ZNF521: variants seen among roughly 807,000 people sequenced by gnomAD.
The protein encoded by ZNF521 is LYST-interacting protein 3.
A neutral mutation model predicts 105.5 loss-of-function variants in ZNF521; 14 were observed. That is an observed-to-expected ratio of 0.13 (90% CI 0.09 to 0.21). The LOEUF is 0.21. Ranked by LOEUF, ZNF521 falls within the 10% of genes least tolerant of loss-of-function variation. The pLI is 1.00. For synonymous variants in ZNF521, 635 were observed against 606.0 expected (o/e 1.05, Z -0.70); for missense variants, 1,233 against 1,629.7 (o/e 0.76, Z 4.19).
At chr18:25,317,515 T>C (rs1912705535) in intron 3 of ZNF521, among the ~76,000 whole-genome samples, 1 of 152,158 alleles carries the variant, frequency 6.6e-6, no homozygotes, top group Non-Finnish European at 1.5e-5. Flanking sequence ...GAGGACCCAC[T>C]CTTACCAAAG....
At chr18:25,172,159 G>A (rs931442427) in intron 5 of ZNF521, among the ~76,000 whole-genome samples, 8 of 152,132 alleles carry the variant, frequency 5.3e-5, no homozygotes, top group African/African-American at 1.9e-4. Context: ...AACATTTGAA[G>A]ATTGAGAGGA....
chr18:25,311,126 A>T (rs903827322), intron 3 of ZNF521, among the ~76,000 whole-genome samples: 1 of 152,168 alleles, frequency 6.6e-6, no homozygotes, highest in African/African-American at 2.4e-5. Flanking sequence ...AAAGGAACTA[A>T]GCCCTGAGGC....
chr18:25,224,619 C>T lies in ZNF521; in HGVS notation c.3299G>A (p.Ser1100Asn). ...GTTAATGCCTGGGCTGGCGCTCTTA[C>T]TGAGATTCACGCAGCCGGCACACAG... Reference protein sequence around the residue: ...YGLCAGCVNLSKSASPGINVP... With the variant: ...YGLCAGCVNLNKSASPGINVP... The change falls in exon 4 of 8, where the codon AGT (serine) becomes AAT (asparagine). Residue 1100 changes from serine (S) to asparagine (N), a missense_variant. Ser to Asn is a conservative substitution (Grantham distance 46). This residue lies in a region of ZNF521 where 614 missense variants were observed against 751.5 expected (regional missense o/e 0.82). Transcript: ENST00000361524. 1 of 1,614,136 alleles carries T rather than the reference C, an allele frequency of 6.2e-7. No individual in the cohort carries two copies. The highest frequency in any genetic ancestry group is 2.2e-5 in the East Asian group (1 of 44,852).
intron 3 of ZNF521, among the ~76,000 whole-genome samples, chr18:25,239,041 T>C (rs1907124522): frequency 6.6e-6 from 1 of 152,162 alleles, no homozygotes; most frequent in Non-Finnish European, 1.5e-5. Context: ...TAATGGAACA[T>C]CATTGATGGA....
Position 25,207,217 on chromosome 18 carries a change from C to G in ZNF521, c.3574-11973G>C, listed in dbSNP as rs544563559. Among the ~76,000 whole-genome samples the G allele has an allele frequency of 2.6e-5, 4 of 152,186 alleles. No homozygotes were observed. The East Asian group carries it at 7.7e-4, about 29-fold the overall frequency. On this transcript the variant is annotated intron_variant, in intron 4 of 7. Coordinates refer to ENST00000361524, the MANE Select transcript of ZNF521 (RefSeq NM_015461.3). ...TTCCTCACAGACAATGAAACAGATCCAGAGAGATGGACTGACCTTGCCCAT... is the reference window on the plus strand; with the variant it reads ...TTCCTCACAGACAATGAAACAGATCGAGAGAGATGGACTGACCTTGCCCAT...
At position 25,291,164 on chromosome 18, in the gene ZNF521, G is replaced by A. The variant is rs1568059470; in HGVS notation, c.220+30844C>T. On this transcript the variant is annotated intron_variant, in intron 3 of 7. Transcript: ENST00000361524. ...ATGGAGGTTCTTTCTTTCACATGTGGCCATAAATAATGCACGAGTGAAATT... is the reference window on the plus strand; with the variant it reads ...ATGGAGGTTCTTTCTTTCACATGTGACCATAAATAATGCACGAGTGAAATT... 5.3e-5 allele frequency among the ~76,000 whole-genome samples: 8 copies of A among 152,198 alleles called. No homozygotes were observed. In the South Asian group the frequency reaches 1.7e-3, roughly 32 times the overall value.
At chr18:25,164,211 A>AAT (rs2035298399) in intron 5 of ZNF521, among the ~76,000 whole-genome samples, 1 of 152,122 alleles carries the variant, frequency 6.6e-6, no homozygotes, top group Non-Finnish European at 1.5e-5. Context: ...TAACTGTGTA[A>AAT]ATACTCCTGC....
At chr18:25,205,077 A>G (rs1268087951) in intron 4 of ZNF521, among the ~76,000 whole-genome samples, 1 of 146,752 alleles carries the variant, frequency 6.8e-6, no homozygotes, top group African/African-American at 2.5e-5. Context: ...CCCCTTACAC[A>G]GCACCAGAAA....
rs766102682 is a variant in ZNF521 at position 25,224,390 on chromosome 18, G to A, written c.3528C>T (p.Pro1176=). ...TGATTCTGGGCATTGGTGATACTTG[G>A]GGCGTTTTCAACTGTGTGCTGTTGC... ...PDSNSTQLKT[P]QVSPMPRISP... is the part of the protein sequence containing the mutation. The change falls in exon 4 of 8, where the codon CCC becomes CCT. Residue 1176 remains proline (P), a synonymous_variant. Coordinates refer to ENST00000361524, the MANE Select transcript of ZNF521 (RefSeq NM_015461.3). The A allele has an allele frequency of 1.2e-6, 2 of 1,613,840 alleles. No individual in the cohort carries two copies. The highest frequency in any genetic ancestry group is 1.3e-5 in the African/African-American group (1 of 74,972).
At chr18:25,100,993 G>C (rs2033955472) in intron 5 of ZNF521, among the ~76,000 whole-genome samples, 1 of 152,214 alleles carries the variant, frequency 6.6e-6, no homozygotes, top group African/African-American at 2.4e-5. Context: ...TGGCTGTTCT[G>C]TGGCACATGC....
chr18:25,206,790 T>G (rs2036088680), intron 4 of ZNF521, among the ~76,000 whole-genome samples: 1 of 152,164 alleles, frequency 6.6e-6, no homozygotes, highest in African/African-American at 2.4e-5. Context: ...TCTCTTCTCC[T>G]TCAAATCACT....
chr18:25,206,366 T>C (rs1407821393), intron 4 of ZNF521, among the ~76,000 whole-genome samples: 1 of 152,170 alleles, frequency 6.6e-6, no homozygotes, highest in East Asian at 1.9e-4. Context: ...AATTAATATG[T>C]AAATGACTCA....
At position 25,226,616 on chromosome 18, in the gene ZNF521, T is replaced by C. The variant is rs772465511; in HGVS notation, c.1302A>G (p.Glu434=). The change falls in exon 4 of 8, where the codon GAA becomes GAG. Residue 434 remains glutamate, a synonymous_variant. Transcript: ENST00000361524. The surrounding 1 kb of genome is among the most constrained non-coding windows in gnomAD (Gnocchi z 4.1). The part of the protein sequence containing the change: ...HLKTMHLDKP[E]QAHICQYCLE... Reference sequence around the variant, plus strand: ...AGCAATACTGACAAATATGGGCCTGTTCTGGCTTATCTAAGTGCATAGTTT... The same window carrying C: ...AGCAATACTGACAAATATGGGCCTGCTCTGGCTTATCTAAGTGCATAGTTT... The C allele has an allele frequency of 6.2e-7, 1 of 1,614,190 alleles. No homozygotes were observed. Among genetic ancestry groups the C allele is most frequent in the South Asian group, 1.1e-5 (1 of 91,086 alleles).
intron 5 of ZNF521, among the ~76,000 whole-genome samples, chr18:25,142,526 C>T: frequency 6.6e-6 from 1 of 152,076 alleles, no homozygotes; most frequent in Admixed American, 6.6e-5. Flanking sequence ...TCCCTGCCTA[C>T]CTTGTGAGTT....
chr18:25,217,628 C>T (rs1024164830), intron 4 of ZNF521, among the ~76,000 whole-genome samples: 5 of 152,140 alleles, frequency 3.3e-5, no homozygotes, highest in African/African-American at 1.2e-4. Flanking sequence ...GGGAGGGCAA[C>T]CAGGCACATT....
chr18:25,205,091 G>A (rs1328620660), intron 4 of ZNF521, among the ~76,000 whole-genome samples: 1 of 126,406 alleles, frequency 7.9e-6, no homozygotes, highest in Non-Finnish European at 1.6e-5. Context: ...CCAGAAATCA[G>A]TGAATTGGAA....
At position 25,225,843 on chromosome 18, in the gene ZNF521, G is replaced by A. The variant is rs114072043; in HGVS notation, c.2075C>T (p.Thr692Met). The change falls in exon 4 of 8, where the codon ACG becomes ATG. Residue 692 changes from threonine (T) to methionine (M), a missense_variant. Physicochemically the swap from Thr to Met is moderately conservative, Grantham distance 81. Around this residue, in one of 6 missense-constraint regions of ZNF521, gnomAD observed 614 missense variants for 751.5 expected, o/e 0.82. Coordinates refer to ENST00000361524, the MANE Select transcript of ZNF521 (RefSeq NM_015461.3). This position sits in a 1 kb window ranked among gnomAD's most constrained non-coding sequence, Gnocchi z 5.6. The part of the protein sequence containing the change: ...HVTIHFMITS[T>M]YYICESCDKQ... ...GTCACAACTCTCACAGATGTAATAC[G>A]TTGAAGTGATCATAAAGTGAATGGT... 23 of 1,614,206 alleles carry A rather than the reference G, an allele frequency of 1.4e-5. No individual in the cohort carries two copies. The highest frequency in any genetic ancestry group is 4.5e-5 in the East Asian group (2 of 44,884).
intron 2 of ZNF521, among the ~76,000 whole-genome samples, chr18:25,346,813 G>A (rs551651063): frequency 3.9e-5 from 6 of 152,224 alleles, no homozygotes; most frequent in African/African-American, 1.4e-4. Context: ...GAGGTCCCTG[G>A]TATGGGTTTA....
chr18:25,137,353 G>T (rs2034754969), intron 5 of ZNF521, among the ~76,000 whole-genome samples: 1 of 152,104 alleles, frequency 6.6e-6, no homozygotes, highest in Non-Finnish European at 1.5e-5. Context: ...TCGGGCAAAG[G>T]TTTCTCTACT....
Sources: allele counts gnomAD v4.1 joint callset (sites outside exome capture counted in the v4.1 genomes callset), GRCh38; gene constraint gnomAD v4.1.1; regional missense constraint gnomAD v4.1.1; non-coding constraint Gnocchi (gnomAD v3.1); transcripts MANE v1.5; gene names NCBI Gene and HGNC (gene_info 2026-07-23, HGNC 2026-07-21).